Variants in CADM2 observed in about 807,000 individuals in gnomAD.
CADM2 encodes cell adhesion molecule 2, also known as immunoglobulin superfamily member 4D.
CADM2 carries 12 observed loss-of-function variants against 49.8 expected under a neutral mutation model. That is an observed-to-expected ratio of 0.24 (90% CI 0.15 to 0.39). The LOEUF is 0.39. Among genes scored for constraint, CADM2 ranks in the 10% least tolerant of loss-of-function variants. The pLI is 1.00. For synonymous variants in CADM2, 214 were observed against 175.4 expected (o/e 1.22, Z -1.74); for missense variants, 378 against 492.3 (o/e 0.77, Z 2.20).
chr3:85,627,826 A>AAGTTTTAAAGTT (rs1478812024), intron 1 of CADM2, among the ~76,000 whole-genome samples: 2 of 152,060 alleles, frequency 1.3e-5, no homozygotes, highest in Non-Finnish European at 2.9e-5. Context: ...TAAAGTTTTT[A>AAGTTTTAAAGTT]TTGAAGATAC....
chr3:85,559,859 A>G (rs962550687), intron 1 of CADM2, among the ~76,000 whole-genome samples: 3 of 152,158 alleles, frequency 2.0e-5, no homozygotes, highest in African/African-American at 7.2e-5. Context: ...GTTAATTTAA[A>G]TATAAAATTT....
At chr3:85,351,090 G>T (rs936886888) in intron 1 of CADM2, among the ~76,000 whole-genome samples, 1 of 152,030 alleles carries the variant, frequency 6.6e-6, no homozygotes, top group Non-Finnish European at 1.5e-5. Context: ...CCATCGTCTG[G>T]AAGGGCATAT....
chr3:85,986,084 G>A (rs1247565948), intron 8 of CADM2, among the ~76,000 whole-genome samples: 1 of 151,928 alleles, frequency 6.6e-6, no homozygotes, highest in Non-Finnish European at 1.5e-5. Flanking sequence ...ATTAAACCAG[G>A]TTAAGAATCA....
chr3:85,599,035 T>G (rs879307857), intron 1 of CADM2, among the ~76,000 whole-genome samples: 4 of 151,952 alleles, frequency 2.6e-5, no homozygotes, highest in Admixed American at 2.0e-4. Context: ...ATTTTCTAAT[T>G]CAAGTACTGA....
At chr3:85,104,124 T>C (rs1311235015) in intron 1 of CADM2, among the ~76,000 whole-genome samples, 1 of 151,878 alleles carries the variant, frequency 6.6e-6, no homozygotes, top group East Asian at 1.9e-4. Context: ...TCCTTGCCCA[T>C]GCCTATGTCC....
chr3:85,511,790 T>G (rs1380345428), intron 1 of CADM2: 4 of 654,366 alleles, frequency 6.1e-6, no homozygotes, highest in Non-Finnish European at 7.6e-6. Context: ...TCTCATTTTG[T>G]CCACTGCAAA....
intron 1 of CADM2, among the ~76,000 whole-genome samples, chr3:85,227,448 C>G (rs886972812): frequency 1.3e-5 from 2 of 148,434 alleles, no homozygotes; most frequent in Admixed American, 6.7e-5. Context: ...GATTGCAACC[C>G]CTGCTTTTTT....
intron 1 of CADM2, among the ~76,000 whole-genome samples, chr3:85,701,313 T>A (rs2066745214): frequency 6.6e-6 from 1 of 152,144 alleles, no homozygotes. Context: ...GCACTGGGAT[T>A]ACATTACAAC....
At chr3:85,911,317 T>A (rs1356863902) in intron 5 of CADM2, among the ~76,000 whole-genome samples, 35 of 152,136 alleles carry the variant, frequency 2.3e-4, no homozygotes, top group Admixed American at 2.3e-3. Flanking sequence ...TAAGCAAAAA[T>A]ATTGCTAAAC....
intron 1 of CADM2, among the ~76,000 whole-genome samples, chr3:85,051,321 C>T (rs1289781760): frequency 6.6e-6 from 1 of 152,180 alleles, no homozygotes; most frequent in East Asian, 1.9e-4. Flanking sequence ...CAGAGATCTT[C>T]ACCATATGAC....
chr3:85,985,436 G>C, intron 8 of CADM2, among the ~76,000 whole-genome samples: 1 of 151,974 alleles, frequency 6.6e-6, no homozygotes, highest in Non-Finnish European at 1.5e-5. Context: ...GTGTCCTCAG[G>C]AGGACATATG....
At chr3:85,700,569 C>G (rs1208780168) in intron 1 of CADM2, among the ~76,000 whole-genome samples, 1 of 152,150 alleles carries the variant, frequency 6.6e-6, no homozygotes, top group Non-Finnish European at 1.5e-5. Flanking sequence ...GCATTCAGGA[C>G]ACATCTTGAA....
intron 1 of CADM2, among the ~76,000 whole-genome samples, chr3:85,368,552 A>G (rs754015741): frequency 9.5e-4 from 140 of 147,918 alleles, no homozygotes; most frequent in Non-Finnish European, 1.3e-3. Context: ...ATACCTGAAT[A>G]TATATATACC....
At chr3:85,542,648 C>T (rs2061574995) in intron 1 of CADM2, among the ~76,000 whole-genome samples, 1 of 152,124 alleles carries the variant, frequency 6.6e-6, no homozygotes, top group African/African-American at 2.4e-5. Flanking sequence ...AATATATTGA[C>T]ATAGCTATTA....
rs145594122 is a variant in CADM2, at chr3:85,713,355, G to T, written c.62-13167G>T. Among the ~76,000 whole-genome samples the T allele has an allele frequency of 2.3e-3, 353 of 152,124 alleles. 7 individuals are homozygous for T. Among genetic ancestry groups the T allele is most frequent in the East Asian group, 1.5e-3 (8 of 5,164 alleles). ...GTACAGACGGGGTTTCGTCATGTTG[G>T]CCAGGCTGGTCTCATACTCCTCACC... is the stretch of plus-strand genomic sequence containing the variant. On this transcript the variant is annotated intron_variant, in intron 1 of 9. Transcript: ENST00000383699.
intron 2 of CADM2, among the ~76,000 whole-genome samples, chr3:85,788,178 T>C (rs1210853293): frequency 6.6e-6 from 1 of 152,176 alleles, no homozygotes; most frequent in African/African-American, 2.4e-5. Context: ...GTATAAAACA[T>C]ACATTTGTTG....
intron 5 of CADM2, among the ~76,000 whole-genome samples, chr3:85,891,969 A>T (rs573159191): frequency 2.8e-4 from 43 of 152,224 alleles, no homozygotes; most frequent in Non-Finnish European, 4.4e-4. Context: ...TTAAACTTAC[A>T]GTAATGTGTT....
intron 1 of CADM2, among the ~76,000 whole-genome samples, chr3:85,455,104 G>A (rs981444714): frequency 6.6e-6 from 1 of 152,144 alleles, no homozygotes; most frequent in Non-Finnish European, 1.5e-5. Context: ...ATTAGTTAAT[G>A]AAATTCCAGT....
intron 8 of CADM2, among the ~76,000 whole-genome samples, chr3:86,037,336 T>C (rs1735290808): frequency 6.6e-6 from 1 of 152,174 alleles, no homozygotes; most frequent in Non-Finnish European, 1.5e-5. Flanking sequence ...TATTACAGCC[T>C]CCATTACACA....
Sources: allele counts gnomAD v4.1 joint callset (sites outside exome capture counted in the v4.1 genomes callset), GRCh38; gene constraint gnomAD v4.1.1; transcripts MANE v1.5; gene names NCBI Gene and HGNC (gene_info 2026-07-23, HGNC 2026-07-21).